Variants in GPC5 observed in about 807,000 individuals in gnomAD.
GPC5 encodes glypican 5, also known as glypican-5.
Under a neutral mutation model 53.9 loss-of-function variants are expected in GPC5, and 47 were observed. That is an observed-to-expected ratio of 0.87 (90% confidence interval 0.69 to 1.11). GPC5 has a LOEUF of 1.11. Among genes scored for constraint, GPC5 ranks in the 50% most tolerant of loss-of-function variants. The probability of loss-of-function intolerance (pLI) is 0.00; values close to 1 mark genes in which losing one functional copy is unlikely to be tolerated. For missense variants in GPC5, 748 were observed against 713.1 expected (o/e 1.05, Z -0.56); for synonymous variants, 286 against 263.3 (o/e 1.09, Z -0.84).
At chr13:92,174,768 C>T (rs2042097751) in intron 7 of GPC5, among the ~76,000 whole-genome samples, 1 of 151,942 alleles carries the variant, frequency 6.6e-6, no homozygotes, top group Non-Finnish European at 1.5e-5. Context: ...AAACAAATAG[C>T]GATGTCATAG....
At chr13:91,434,831 C>A (rs368568439) in intron 1 of GPC5, among the ~76,000 whole-genome samples, 1 of 152,074 alleles carries the variant, frequency 6.6e-6, no homozygotes, top group Non-Finnish European at 1.5e-5. Context: ...ATGGAATGTT[C>A]TTCCATTTGT....
intron 7 of GPC5, among the ~76,000 whole-genome samples, chr13:92,322,090 C>T (rs942194579): frequency 1.3e-5 from 2 of 151,906 alleles, no homozygotes; most frequent in African/African-American, 4.8e-5. Context: ...TGCACTTGTA[C>T]CCCGACCTTA....
chr13:91,524,217 T>C (rs1286177628), intron 2 of GPC5, among the ~76,000 whole-genome samples: 1 of 152,090 alleles, frequency 6.6e-6, no homozygotes, highest in East Asian at 1.9e-4. Context: ...ACTGCATTAG[T>C]TGTAGAGCTG....
In GPC5 at chr13:92,347,919, AT is replaced by A. The variant is rs1160254359; in HGVS notation, c.1561+202931del. 4.6e-4 allele frequency among the ~76,000 whole-genome samples: 8 copies of A among 17,472 alleles called. 3 individuals are homozygous for A. The allele number at this position is 17,472 out of a possible 152,430, so 11.5% of individuals were successfully genotyped here. ...TATATATAATATATATATAATATAT[AT>A]ATATTATATATACATCTTATATGTA... On this transcript the variant is annotated intron_variant, in intron 7 of 7. Transcript: ENST00000377067.
chr13:92,432,130 G>A (rs1243315266), intron 7 of GPC5, among the ~76,000 whole-genome samples: 1 of 152,154 alleles, frequency 6.6e-6, no homozygotes, highest in Non-Finnish European at 1.5e-5. Flanking sequence ...AGAAACCAGA[G>A]AGCTTGGCTT....
chr13:91,985,040 TA>T (rs2040394155), intron 6 of GPC5, among the ~76,000 whole-genome samples: 1 of 152,218 alleles, frequency 6.6e-6, no homozygotes, highest in Admixed American at 6.5e-5. Context: ...TTTTTCTAAT[TA>T]GAAAGTTATC....
chr13:91,592,258 T>C (rs9560828), intron 2 of GPC5, among the ~76,000 whole-genome samples: 135,559 of 152,196 alleles, frequency 0.89, 61,184 homozygotes, highest in Non-Finnish European at 0.96. Context: ...ACTTTAAGAT[T>C]CATGGGTGGT....
At chr13:92,130,644 C>T (rs930513410) in intron 6 of GPC5, among the ~76,000 whole-genome samples, 2 of 151,972 alleles carry the variant, frequency 1.3e-5, no homozygotes, top group African/African-American at 2.4e-5. Flanking sequence ...AAGGAATATT[C>T]GCCATGCAAA....
intron 4 of GPC5, among the ~76,000 whole-genome samples, chr13:91,751,060 C>T (rs770193853): frequency 6.6e-6 from 1 of 152,144 alleles, no homozygotes; most frequent in Non-Finnish European, 1.5e-5. Flanking sequence ...TACCGTAGAT[C>T]CCTGGTTCTA....
chr13:91,623,446 AG>A (rs2033916579), intron 2 of GPC5, among the ~76,000 whole-genome samples: 1 of 152,004 alleles, frequency 6.6e-6, no homozygotes, highest in Non-Finnish European at 1.5e-5. Context: ...GGGGGAGAGG[AG>A]GATTCTGCGT....
intron 7 of GPC5, among the ~76,000 whole-genome samples, chr13:92,576,441 A>T (rs1049084491): frequency 6.6e-6 from 1 of 152,162 alleles, no homozygotes; most frequent in Non-Finnish European, 1.5e-5. Context: ...ACACTGCAAT[A>T]AGTTCCCTGT....
chr13:92,606,033 A>G (rs1309035599), intron 7 of GPC5, among the ~76,000 whole-genome samples: 1 of 152,166 alleles, frequency 6.6e-6, no homozygotes, highest in Non-Finnish European at 1.5e-5. Flanking sequence ...CCTTTTAGTT[A>G]CTTGGTCTGG....
In GPC5 at chr13:92,408,668, T is replaced by A. The variant is rs538388037; in HGVS notation, c.1561+263679T>A. Among the ~76,000 whole-genome samples the A allele has an allele frequency of 5.1e-4, 78 of 152,036 alleles. 1 individual carries two copies. Among genetic ancestry groups the A allele is most frequent in the Admixed American group, 1.6e-3 (24 of 15,238 alleles). The stretch of plus-strand genomic sequence containing the variant: ...CACACACACACATATAATACATATA[T>A]GTATATGTATTTATATATACATGCA... On this transcript the variant is annotated intron_variant, in intron 7 of 7. Transcript: ENST00000377067.
chr13:91,504,649 A>G (rs1378469890), intron 2 of GPC5, among the ~76,000 whole-genome samples: 1 of 152,156 alleles, frequency 6.6e-6, no homozygotes, highest in East Asian at 1.9e-4. Flanking sequence ...ACATTATGAA[A>G]ACACCGTGTG....
intron 7 of GPC5, among the ~76,000 whole-genome samples, chr13:92,580,737 G>T (rs1287302067): frequency 3.9e-5 from 6 of 152,098 alleles, no homozygotes; most frequent in African/African-American, 1.4e-4. Context: ...GATTTTGCGA[G>T]AATTCACTTA....
At chr13:92,356,431 GA>G (rs1056951734) in intron 7 of GPC5, among the ~76,000 whole-genome samples, 8 of 152,292 alleles carry the variant, frequency 5.3e-5, no homozygotes, top group African/African-American at 1.9e-4. Context: ...AGCAAAAGTC[GA>G]AACAGAAAAA....
At chr13:91,539,309 G>A (rs745773874) in intron 2 of GPC5, among the ~76,000 whole-genome samples, 5 of 152,048 alleles carry the variant, frequency 3.3e-5, no homozygotes, top group African/African-American at 7.2e-5. Flanking sequence ...AGTGAGTGGG[G>A]AAATTATTGG....
intron 6 of GPC5, among the ~76,000 whole-genome samples, chr13:92,122,398 T>C (rs1279026262): frequency 6.6e-6 from 1 of 151,934 alleles, no homozygotes; most frequent in Non-Finnish European, 1.5e-5. Context: ...CAGCTGCTTC[T>C]CAGTAGCAGC....
At chr13:91,869,347 C>A (rs2039118934) in intron 5 of GPC5, among the ~76,000 whole-genome samples, 1 of 152,060 alleles carries the variant, frequency 6.6e-6, no homozygotes, top group African/African-American at 2.4e-5. Context: ...GCGTGAACCA[C>A]CTCGCCAGCA....
Sources: allele counts gnomAD v4.1 joint callset (sites outside exome capture counted in the v4.1 genomes callset), GRCh38; gene constraint gnomAD v4.1.1; transcripts MANE v1.5; gene names NCBI Gene and HGNC (gene_info 2026-07-23, HGNC 2026-07-21).